SHISA9: variants seen among roughly 807,000 people sequenced by gnomAD.
The protein encoded by SHISA9 is protein shisa-9.
SHISA9 carries 13 observed loss-of-function variants against 38.0 expected under a neutral mutation model. The observed-to-expected ratio is 0.34, with a 90% CI of 0.22 to 0.54. SHISA9 has a LOEUF of 0.54. Among genes scored for constraint, SHISA9 ranks in the 20% least tolerant of loss-of-function variants. The pLI, the probability that SHISA9 is intolerant of heterozygous loss-of-function variation, is 0.91. For synonymous variants in SHISA9, 275 were observed against 242.0 expected (o/e 1.14, Z -1.27); for missense variants, 538 against 575.8 (o/e 0.93, Z 0.67).
At chr16:13,244,344 T>C (rs1015757665), downstream of SHISA9, among the ~76,000 whole-genome samples, 1 of 152,188 alleles carries the variant, frequency 6.6e-6, no homozygotes, top group Non-Finnish European at 1.5e-5. Context: ...GTGAATTTTC[T>C]TCCACCTCTG....
At chr16:12,992,791 C>G (rs2072405145) in intron 2 of SHISA9, among the ~76,000 whole-genome samples, 1 of 152,164 alleles carries the variant, frequency 6.6e-6, no homozygotes, top group African/African-American at 2.4e-5. Context: ...TTGCATGTTT[C>G]AAAGGGCATG....
chr16:13,136,592 G>A lies in SHISA9; in HGVS notation c.692-66802G>A, dbSNP rs169440. The stretch of plus-strand genomic sequence containing the variant: ...TTTTTGTGTTTTTAGTAGAGAAGGG[G>A]TTTCACTATGTTGGCTGGGCTGGTC... On this transcript the variant is annotated intron_variant, in intron 2 of 4. Coordinates refer to ENST00000558583, the MANE Select transcript of SHISA9 (RefSeq NM_001145204.3). Among the ~76,000 whole-genome samples the A allele has an allele frequency of 4.0e-3, 612 of 151,914 alleles. 3 individuals carry two copies. Among genetic ancestry groups the A allele is most frequent in the Non-Finnish European group, 5.0e-3 (340 of 67,946 alleles).
the SHISA9 span, among the ~76,000 whole-genome samples, chr16:13,383,589 A>G: frequency 1.3e-5 from 2 of 152,198 alleles, no homozygotes; most frequent in African/African-American, 2.4e-5. Flanking sequence ...TGAGAGGAGC[A>G]TATTAAGTTG....
At chr16:13,152,570 C>A (rs2050508835) in intron 2 of SHISA9, among the ~76,000 whole-genome samples, 1 of 152,152 alleles carries the variant, frequency 6.6e-6, no homozygotes, top group South Asian at 2.1e-4. Context: ...GATTGGATGT[C>A]AATCATTTTC....
chr16:13,151,729 T>A lies in SHISA9; in HGVS notation c.692-51665T>A, dbSNP rs890855836. Reference sequence around the variant, plus strand: ...CTTCTCTCATTCAGAAAAACAGATTTCCCTGATGATCATTCTGCACGTCAG... The same window carrying A: ...CTTCTCTCATTCAGAAAAACAGATTACCCTGATGATCATTCTGCACGTCAG... On this transcript the variant is annotated intron_variant, in intron 2 of 4. Coordinates refer to ENST00000558583, the MANE Select transcript of SHISA9 (RefSeq NM_001145204.3). Among the ~76,000 whole-genome samples the A allele has an allele frequency of 1.1e-4, 17 of 152,358 alleles. 1 individual carries two copies. The highest frequency in any genetic ancestry group is 6.2e-4 in the South Asian group (3 of 4,828).
the SHISA9 span, among the ~76,000 whole-genome samples, chr16:13,271,647 C>T: frequency 6.6e-6 from 1 of 152,054 alleles, no homozygotes; most frequent in Non-Finnish European, 1.5e-5. Context: ...AGAGAGACCA[C>T]CAAATTGCAT....
chr16:13,248,114 G>T, the SHISA9 span, among the ~76,000 whole-genome samples: 40 of 152,268 alleles, frequency 2.6e-4, no homozygotes, highest in Middle Eastern at 3.4e-3. Context: ...CACCATGCGG[G>T]TCTTAAAGCC....
At chr16:13,054,683 G>A (rs755910103) in intron 2 of SHISA9, among the ~76,000 whole-genome samples, 1 of 152,206 alleles carries the variant, frequency 6.6e-6, no homozygotes, top group Non-Finnish European at 1.5e-5. Flanking sequence ...CTCGTATGCA[G>A]AGGGTTTAGA....
chr16:13,070,192 G>C (rs2073496383), intron 2 of SHISA9, among the ~76,000 whole-genome samples: 2 of 151,470 alleles, frequency 1.3e-5, no homozygotes, highest in African/African-American at 4.9e-5. Flanking sequence ...AGAAGACATG[G>C]AATTCCTCCT....
chr16:13,299,344 C>T, the SHISA9 span, among the ~76,000 whole-genome samples: 1 of 152,142 alleles, frequency 6.6e-6, no homozygotes, highest in African/African-American at 2.4e-5. Flanking sequence ...ATTTCTGTTG[C>T]CTTTTTACCG....
intron 2 of SHISA9, among the ~76,000 whole-genome samples, chr16:13,007,542 G>A (rs376033680): frequency 1.3e-5 from 2 of 152,010 alleles, no homozygotes; most frequent in African/African-American, 2.4e-5. Flanking sequence ...GATCCCAACC[G>A]TGTCATATTT....
the SHISA9 span, among the ~76,000 whole-genome samples, chr16:13,345,320 T>A: frequency 6.6e-6 from 1 of 152,164 alleles, no homozygotes; most frequent in Non-Finnish European, 1.5e-5. Flanking sequence ...TGTGTTCTCA[T>A]CATTTAGCTC....
At chr16:13,434,530 G>C in the SHISA9 span, among the ~76,000 whole-genome samples, 1 of 150,072 alleles carries the variant, frequency 6.7e-6, no homozygotes, top group South Asian at 2.1e-4. Context: ...CCATTCTCCT[G>C]CCTCAGCCTC....
chr16:13,039,452 A>T (rs1292160810), intron 2 of SHISA9, among the ~76,000 whole-genome samples: 2 of 151,684 alleles, frequency 1.3e-5, no homozygotes, highest in African/African-American at 4.8e-5. Context: ...ATTTGCAAAA[A>T]GACATGCCTG....
At chr16:13,461,402 A>G in the SHISA9 span, among the ~76,000 whole-genome samples, 1 of 152,032 alleles carries the variant, frequency 6.6e-6, no homozygotes, top group African/African-American at 2.4e-5. Context: ...CAACATGATG[A>G]AACTCTGTCT....
the SHISA9 span, among the ~76,000 whole-genome samples, chr16:13,320,828 C>T: frequency 3.3e-5 from 5 of 152,184 alleles, no homozygotes; most frequent in East Asian, 7.7e-4. Context: ...CTGTGGCCAC[C>T]CCCCTCTAGA....
At chr16:13,391,878 A>G in the SHISA9 span, among the ~76,000 whole-genome samples, 10 of 152,222 alleles carry the variant, frequency 6.6e-5, no homozygotes, top group Non-Finnish European at 1.5e-4. Context: ...GGACTATGAA[A>G]AGTCCATCTG....
the SHISA9 span, among the ~76,000 whole-genome samples, chr16:13,397,821 CT>C: frequency 6.6e-6 from 1 of 152,164 alleles, no homozygotes; most frequent in African/African-American, 2.4e-5. Flanking sequence ...AGACAGAGGG[CT>C]TTCTGTATCC....
the SHISA9 span, among the ~76,000 whole-genome samples, chr16:13,333,410 G>A: frequency 1.2e-4 from 18 of 152,150 alleles, no homozygotes; most frequent in African/African-American, 4.3e-4. Flanking sequence ...GTCCTTGGGT[G>A]TACATTTGAC....
Sources: allele counts gnomAD v4.1 joint callset (sites outside exome capture counted in the v4.1 genomes callset), GRCh38; gene constraint gnomAD v4.1.1; transcripts MANE v1.5; gene names NCBI Gene and HGNC (gene_info 2026-07-23, HGNC 2026-07-21).